ESR1: variants seen among roughly 807,000 people sequenced by gnomAD.
ESR1 encodes estrogen receptor 1, also known as estrogen receptor.
Under a neutral mutation model 52.7 loss-of-function variants are expected in ESR1, and 12 were observed. The observed-to-expected ratio is 0.23, with a 90% CI of 0.15 to 0.37. ESR1 has a LOEUF of 0.37. ESR1 is among the 10% of genes least tolerant of loss of function. The pLI is 1.00. For synonymous variants in ESR1, 305 were observed against 316.8 expected (o/e 0.96, Z 0.39); for missense variants, 584 against 779.7 (o/e 0.75, Z 2.99).
intron 6 of ESR1, among the ~76,000 whole-genome samples, chr6:152,088,684 T>A (rs1339594880): frequency 6.6e-6 from 1 of 151,836 alleles, no homozygotes; most frequent in Non-Finnish European, 1.5e-5. Flanking sequence ...CCCCGCAGAG[T>A]CCCCAGCAGA....
chr6:151,691,682 G>T (rs927178019), intron 1 of ESR1, among the ~76,000 whole-genome samples: 1 of 143,102 alleles, frequency 7.0e-6, no homozygotes, highest in Admixed American at 7.0e-5. Flanking sequence ...TTTGAATGTG[G>T]TATATACATA....
intron 3 of ESR1, among the ~76,000 whole-genome samples, chr6:151,904,934 A>G (rs1797214908): frequency 6.6e-6 from 1 of 152,190 alleles, no homozygotes. Flanking sequence ...ACCCACTGAG[A>G]CGATGGGAAA....
At chr6:151,943,325 G>A (rs1050652396) in intron 3 of ESR1, among the ~76,000 whole-genome samples, 21 of 151,608 alleles carry the variant, frequency 1.4e-4, no homozygotes, top group African/African-American at 2.7e-4. Context: ...GCTTGCAGTG[G>A]GCCGAGATCC....
At chr6:151,893,351 AAAAAG>A (rs1422590138) in intron 3 of ESR1, among the ~76,000 whole-genome samples, 1 of 152,196 alleles carries the variant, frequency 6.6e-6, no homozygotes, top group Non-Finnish European at 1.5e-5. Context: ...TCCATCTCAA[AAAAAG>A]AAAAGAAATG....
intron 3 of ESR1, among the ~76,000 whole-genome samples, chr6:151,923,140 A>G (rs1238979071): frequency 1.3e-5 from 2 of 152,208 alleles, no homozygotes; most frequent in Non-Finnish European, 2.9e-5. Context: ...CTTTGCCTTT[A>G]TTCTAACAGA....
chr6:151,787,072 G>T (rs898325031), intron 2 of ESR1, among the ~76,000 whole-genome samples: 1 of 152,180 alleles, frequency 6.6e-6, no homozygotes, highest in Non-Finnish European at 1.5e-5. Flanking sequence ...GCCTCCCAAA[G>T]TACTGGGATT....
At chr6:151,792,895 G>A (rs536868897) in intron 2 of ESR1, among the ~76,000 whole-genome samples, 188 of 152,244 alleles carry the variant, frequency 1.2e-3, no homozygotes, top group African/African-American at 4.3e-3. Flanking sequence ...TTTAGTCTGA[G>A]TGCGGGGGCT....
intron 1 of ESR1, among the ~76,000 whole-genome samples, chr6:151,817,254 C>G (rs533953769): frequency 7.2e-5 from 11 of 152,316 alleles, no homozygotes; most frequent in African/African-American, 2.4e-4. Context: ...TGGGTCGAAG[C>G]TTGAATCAGT....
intron 6 of ESR1, among the ~76,000 whole-genome samples, chr6:152,080,272 C>T (rs2049083656): frequency 6.6e-6 from 1 of 151,400 alleles, no homozygotes; most frequent in African/African-American, 2.4e-5. Flanking sequence ...AAAGGGAAGC[C>T]CATCAGACTA....
At chr6:151,744,208 G>A (rs1331872628) in intron 2 of ESR1, among the ~76,000 whole-genome samples, 1 of 152,116 alleles carries the variant, frequency 6.6e-6, no homozygotes, top group Non-Finnish European at 1.5e-5. Flanking sequence ...CTGTATGCAT[G>A]CATGTTCTCA....
At chr6:152,024,683 T>A (rs2043975682) in intron 5 of ESR1, among the ~76,000 whole-genome samples, 1 of 147,662 alleles carries the variant, frequency 6.8e-6, no homozygotes, top group African/African-American at 2.5e-5. Flanking sequence ...AAATATATAT[T>A]ATATATAGTT....
intron 2 of ESR1, among the ~76,000 whole-genome samples, chr6:151,762,441 T>G (rs1685723235): frequency 6.6e-6 from 1 of 152,216 alleles, no homozygotes; most frequent in Non-Finnish European, 1.5e-5. Context: ...CATGTTTCTA[T>G]GCATCCCAGG....
intron 2 of ESR1, among the ~76,000 whole-genome samples, chr6:151,775,943 T>C (rs1038923462): frequency 2.0e-5 from 3 of 152,116 alleles, no homozygotes; most frequent in African/African-American, 7.2e-5. Context: ...TGCTGAATTT[T>C]AGGATCTGAA....
At chr6:151,674,299 G>T (rs1029441558) in intron 1 of ESR1, among the ~76,000 whole-genome samples, 3 of 152,250 alleles carry the variant, frequency 2.0e-5, no homozygotes, top group Middle Eastern at 3.4e-3. Flanking sequence ...TTCTGTTCCT[G>T]TGTTAGTTTG....
chr6:151,977,103 A>G (rs1245316829), intron 4 of ESR1, among the ~76,000 whole-genome samples: 1 of 152,154 alleles, frequency 6.6e-6, no homozygotes, highest in Non-Finnish European at 1.5e-5. Flanking sequence ...GCAAGAAAGT[A>G]TGCCATTGTA....
intron 5 of ESR1, among the ~76,000 whole-genome samples, chr6:152,057,676 A>G (rs2047207750): frequency 7.1e-6 from 1 of 140,168 alleles, no homozygotes; most frequent in South Asian, 2.3e-4. Flanking sequence ...ACATTCCCTA[A>G]AGGAACATAC....
chr6:152,110,139 A>C (rs1161625266), intron 6 of ESR1, among the ~76,000 whole-genome samples: 1 of 152,252 alleles, frequency 6.6e-6, no homozygotes, highest in Non-Finnish European at 1.5e-5. Context: ...TGTGAATGGC[A>C]GACATGAAAT....
chr6:151,975,707 G>A (rs1162972422), intron 4 of ESR1, among the ~76,000 whole-genome samples: 1 of 152,160 alleles, frequency 6.6e-6, no homozygotes, highest in African/African-American at 2.4e-5. Flanking sequence ...TCTACTGATT[G>A]TAAACATTAA....
intron 2 of ESR1, among the ~76,000 whole-genome samples, chr6:151,703,117 A>G (rs1293498453): frequency 1.3e-5 from 2 of 152,214 alleles, no homozygotes; most frequent in Non-Finnish European, 2.9e-5. Context: ...ACTGGCAAAT[A>G]TTACTCAGCG....
Sources: allele counts gnomAD v4.1 joint callset (sites outside exome capture counted in the v4.1 genomes callset), GRCh38; gene constraint gnomAD v4.1.1; transcripts MANE v1.5; gene names NCBI Gene and HGNC (gene_info 2026-07-23, HGNC 2026-07-21).